The following ESRRG variants were observed in gnomAD, a reference collection of about 807,000 sequenced individuals.
ESRRG encodes the protein estrogen-related receptor gamma.
In ESRRG, 13 loss-of-function variants were observed where a neutral mutation model predicts 44.0. The ratio of observed to expected loss-of-function variants is 0.30; its 90% CI spans 0.19 to 0.47. The LOEUF is 0.47. Among genes scored for constraint, ESRRG ranks in the 20% least tolerant of loss-of-function variants. The probability of loss-of-function intolerance (pLI) is 1.00; values close to 1 mark genes in which losing one functional copy is unlikely to be tolerated. For synonymous variants in ESRRG, 215 were observed against 214.6 expected, an observed-to-expected ratio of 1.00 and a Z score of -0.02; for missense variants, 395 against 580.6, an observed-to-expected ratio of 0.68 and a Z score of 3.29.
intron 2 of ESRRG, among the ~76,000 whole-genome samples, chr1:216,676,170 A>G (rs1203793044): frequency 1.3e-5 from 2 of 152,148 alleles, no homozygotes; most frequent in South Asian, 2.1e-4. Flanking sequence ...CGTGAAATCT[A>G]ATTTTTTTGC....
intron 3 of ESRRG, among the ~76,000 whole-genome samples, chr1:216,629,938 C>G (rs553322353): frequency 3.4e-4 from 52 of 152,160 alleles, no homozygotes; most frequent in African/African-American, 9.9e-4. Context: ...TAATTCTTTG[C>G]TTGTAAAAAT....
intron 2 of ESRRG, among the ~76,000 whole-genome samples, chr1:216,766,792 C>T (rs569272217): frequency 6.6e-6 from 1 of 152,190 alleles, no homozygotes; most frequent in South Asian, 2.1e-4. Flanking sequence ...CTACCTTATC[C>T]ATCACTGATC....
chr1:216,760,961 A>C (rs1241793604), intron 2 of ESRRG, among the ~76,000 whole-genome samples: 1 of 152,080 alleles, frequency 6.6e-6, no homozygotes, highest in Non-Finnish European at 1.5e-5. Flanking sequence ...ATTCCTTTCA[A>C]GGGCTGCAAG....
At chr1:217,117,673 C>CA (rs2092749668) in intron 1 of ESRRG, among the ~76,000 whole-genome samples, 1 of 152,056 alleles carries the variant, frequency 6.6e-6, no homozygotes, top group African/African-American at 2.4e-5. Context: ...AAGCACTCAA[C>CA]AAATACTTGA....
intron 2 of ESRRG, among the ~76,000 whole-genome samples, chr1:216,887,391 ACACAAG>A (rs1277373728): frequency 6.6e-6 from 1 of 152,186 alleles, no homozygotes; most frequent in Non-Finnish European, 1.5e-5. Context: ...AACTATTAGA[ACACAAG>A]CACTTTAAAT....
At chr1:216,638,425 T>C (rs2065739615) in intron 3 of ESRRG, among the ~76,000 whole-genome samples, 1 of 152,198 alleles carries the variant, frequency 6.6e-6, no homozygotes, top group Non-Finnish European at 1.5e-5. Flanking sequence ...GGCTACTTAA[T>C]TTAATTTAAT....
chr1:217,050,967 G>T (rs1302026932), intron 1 of ESRRG, among the ~76,000 whole-genome samples: 1 of 152,026 alleles, frequency 6.6e-6, no homozygotes, highest in East Asian at 1.9e-4. Flanking sequence ...GCCAGGTGTG[G>T]GAAGGACTCA....
rs1255904713 is a variant in ESRRG at position 216,946,419 on chromosome 1, G to A, written c.-105-6746C>T. Among the ~76,000 whole-genome samples the A allele has an allele frequency of 1.3e-5, 2 of 152,118 alleles. 1 individual carries two copies. Among genetic ancestry groups the A allele is most frequent in the Admixed American group, 1.3e-4 (2 of 15,270 alleles). On this transcript the variant is annotated intron_variant, in intron 1 of 7. Transcript: ENST00000359162. ...AAACTGGGCTGCAGCATAGGCCCTC[G>A]CATGTCTTGACCAGCTATCTGGACC...
intron 1 of ESRRG, among the ~76,000 whole-genome samples, chr1:217,112,437 G>A (rs1224366804): frequency 2.6e-5 from 4 of 152,128 alleles, no homozygotes; most frequent in Non-Finnish European, 5.9e-5. Flanking sequence ...CCTGGAGAAA[G>A]GGCACCTGAA....
chr1:216,944,926 A>G (rs549167436), intron 1 of ESRRG, among the ~76,000 whole-genome samples: 12 of 152,178 alleles, frequency 7.9e-5, no homozygotes, highest in Non-Finnish European at 1.6e-4. Flanking sequence ...CAGTTGGAGA[A>G]TAACACACTG....
chr1:217,038,755 G>A (rs575413779), intron 1 of ESRRG, among the ~76,000 whole-genome samples: 396 of 152,354 alleles, frequency 2.6e-3, no homozygotes, highest in Admixed American at 7.3e-3. Flanking sequence ...TTGTCCTGGG[G>A]ATTAACATTC....
rs565824906 is a variant in ESRRG, at chr1:216,945,828, G to C, written c.-105-6155C>G. Among the ~76,000 whole-genome samples, 115 of 152,308 alleles carry C rather than the reference G, an allele frequency of 7.6e-4. 3 individuals carry two copies. The South Asian group carries it at 0.022, about 30-fold the overall frequency. ...CCAGTGAATGAAATTCAATTAGTGGGCTTTGTACTTAGGACATTATGATTC... is the reference window on the plus strand; with the variant it reads ...CCAGTGAATGAAATTCAATTAGTGGCCTTTGTACTTAGGACATTATGATTC... On this transcript the variant is annotated intron_variant, in intron 1 of 7. Transcript: ENST00000359162.
At chr1:217,085,480 C>CTTTTTTTTTTTTTTTT (rs2092021463) in intron 1 of ESRRG, among the ~76,000 whole-genome samples, 3 of 66,342 alleles carry the variant, frequency 4.5e-5, no homozygotes, top group African/African-American at 1.2e-4. Context: ...CTTTTCTTTT[C>CTTTTTTTTTTTTTTTT]ATTTTTTTTT....
chr1:216,692,250 G>A (rs993518501), intron 1 of ESRRG, among the ~76,000 whole-genome samples: 1 of 151,780 alleles, frequency 6.6e-6, no homozygotes, highest in African/African-American at 2.4e-5. Context: ...AGTAGGACTC[G>A]ATGTGGAGGT....
Position 216,991,075 on chromosome 1 carries a change from T to C in ESRRG, c.-105-51402A>G, listed in dbSNP as rs964932710. Among the ~76,000 whole-genome samples, 6 of 151,970 alleles carry C rather than the reference T, an allele frequency of 3.9e-5. No homozygotes were observed. The East Asian group carries it at 7.7e-4, about 20-fold the overall frequency. ...GATCAGCAGTGGCATTAGATTCTCATAGAAGCATGAACCCTATTATGAATT... is the reference window on the plus strand; with the variant it reads ...GATCAGCAGTGGCATTAGATTCTCACAGAAGCATGAACCCTATTATGAATT... On this transcript the variant is annotated intron_variant, in intron 1 of 7. Transcript: ENST00000359162.
chr1:216,987,075 A>G (rs1353881290), intron 1 of ESRRG, among the ~76,000 whole-genome samples: 1 of 152,196 alleles, frequency 6.6e-6, no homozygotes, highest in Non-Finnish European at 1.5e-5. Context: ...TACAGAAAAG[A>G]TATTTTACAG....
At chr1:216,617,065 A>G (rs570788177) in intron 3 of ESRRG, among the ~76,000 whole-genome samples, 12 of 152,302 alleles carry the variant, frequency 7.9e-5, no homozygotes, top group Middle Eastern at 3.4e-3. Context: ...AAACTCATCC[A>G]ATCTGTTTCT....
At chr1:216,852,866 G>C (rs931491231) in intron 2 of ESRRG, among the ~76,000 whole-genome samples, 4 of 47,158 alleles carry the variant, frequency 8.5e-5, no homozygotes, top group Non-Finnish European at 1.2e-4. Flanking sequence ...TTGTTTGACT[G>C]TCTCTGTCTT....
chr1:216,990,457 A>C (rs1174140768), intron 1 of ESRRG, among the ~76,000 whole-genome samples: 1 of 152,124 alleles, frequency 6.6e-6, no homozygotes, highest in Non-Finnish European at 1.5e-5. Flanking sequence ...GTTTAGCAAA[A>C]AGAGTTAAAG....
Sources: allele counts gnomAD v4.1 joint callset (sites outside exome capture counted in the v4.1 genomes callset), GRCh38; gene constraint gnomAD v4.1.1; transcripts MANE v1.5; gene names NCBI Gene and HGNC (gene_info 2026-07-23, HGNC 2026-07-21).